Variants in PARL observed in about 807,000 individuals in gnomAD.
PARL encodes presenilin-associated rhomboid-like protein, mitochondrial.
A neutral mutation model predicts 51.6 loss-of-function variants in PARL; 44 were observed. The ratio of observed to expected loss-of-function variants is 0.85; its 90% confidence interval spans 0.67 to 1.10. PARL has a LOEUF of 1.10. Among genes scored for constraint, PARL ranks in the 50% least tolerant of loss-of-function variants. The probability of loss-of-function intolerance (pLI) is 0.00; values close to 1 mark genes in which losing one functional copy is unlikely to be tolerated. For missense variants in PARL, 441 were observed against 469.5 expected (o/e 0.94, Z 0.56); for synonymous variants, 172 against 164.0 (o/e 1.05, Z -0.37).
chr3:183,875,211 T>TC (rs1023049103), intron 1 of PARL, among the ~76,000 whole-genome samples: 1 of 152,024 alleles, frequency 6.6e-6, no homozygotes, highest in African/African-American at 2.4e-5. Flanking sequence ...GGTCAGGAGT[T>TC]CGAGACCAGC....
intron 7 of PARL, among the ~76,000 whole-genome samples, chr3:183,837,783 C>T (rs1728808064): frequency 6.6e-6 from 1 of 152,140 alleles, no homozygotes; most frequent in Non-Finnish European, 1.5e-5. Context: ...AATCACTCAT[C>T]ATATCAAGAA....
intron 7 of PARL, among the ~76,000 whole-genome samples, chr3:183,837,480 C>T (rs1009371535): frequency 2.6e-5 from 4 of 152,196 alleles, no homozygotes; most frequent in Non-Finnish European, 5.9e-5. Flanking sequence ...GCGGTGTCAG[C>T]GGAAAGAAGC....
At chr3:183,859,572 G>C (rs1489221391) in intron 4 of PARL, among the ~76,000 whole-genome samples, 4 of 152,024 alleles carry the variant, frequency 2.6e-5, no homozygotes. Context: ...CCTGACCTCA[G>C]GTGATCCACC....
intron 4 of PARL, 58 bp from the exon 5 acceptor site, chr3:183,844,384 T>C (rs974811558): frequency 9.7e-7 from 1 of 1,034,802 alleles, no homozygotes; most frequent in African/African-American, 1.6e-5. Context: ...GAAAGTCTGA[T>C]CTACATTACC....
At chr3:183,835,718 T>G (rs1037434451) in intron 7 of PARL, among the ~76,000 whole-genome samples, 3 of 151,756 alleles carry the variant, frequency 2.0e-5, no homozygotes, top group Non-Finnish European at 2.9e-5. Flanking sequence ...AACACAAAAA[T>G]TAGCCAGACG....
intron 6 of PARL, 69 bp from the exon 7 acceptor site, chr3:183,840,709 C>CTTT (rs34558001): frequency 7.3e-4 from 446 of 608,106 alleles, no homozygotes; most frequent in South Asian, 1.4e-3. Context: ...TTTTTCTTTT[C>CTTT]TTTTTTTTTT....
At chr3:183,840,329 A>G (rs1392798644) in intron 7 of PARL, among the ~76,000 whole-genome samples, 1 of 152,190 alleles carries the variant, frequency 6.6e-6, no homozygotes, top group African/African-American at 2.4e-5. Context: ...GTAAACATAT[A>G]TATATGACCA....
chr3:183,869,304 T>C (rs1055052837), intron 1 of PARL, among the ~76,000 whole-genome samples: 4 of 151,194 alleles, frequency 2.6e-5, no homozygotes, highest in Admixed American at 6.6e-5. Context: ...CCTCCCCAGA[T>C]GCAAGTGATT....
chr3:183,845,541 C>A (rs35205152), intron 4 of PARL, among the ~76,000 whole-genome samples: 32,033 of 152,114 alleles, frequency 0.21, 3,626 homozygotes, highest in East Asian at 0.45. Flanking sequence ...ACTGTGACAG[C>A]ATTATACCAC....
chr3:183,844,134 T>C (rs1729669962), intron 5 of PARL, 97 bp downstream of exon 5: 1 of 854,216 alleles, frequency 1.2e-6, no homozygotes, highest in Non-Finnish European at 2.0e-6. Flanking sequence ...TAGCTATTGA[T>C]AGGTAATTCG....
At chr3:183,842,178 A>C in intron 6 of PARL, 120 bp downstream of exon 6, 1 of 1,018,724 alleles carries the variant, frequency 9.8e-7, no homozygotes, top group Non-Finnish European at 1.5e-6. Flanking sequence ...ACTGTGAGAA[A>C]CAAATATGTT....
chr3:183,848,796 A>G (rs987611413), intron 4 of PARL, among the ~76,000 whole-genome samples: 4 of 152,196 alleles, frequency 2.6e-5, no homozygotes, highest in African/African-American at 9.6e-5. Flanking sequence ...GATGGATAAC[A>G]CTTGGGGGCA....
chr3:183,854,103 G>C (rs1317949682), intron 4 of PARL, among the ~76,000 whole-genome samples: 1 of 152,040 alleles, frequency 6.6e-6, no homozygotes, highest in African/African-American at 2.4e-5. Flanking sequence ...AAATTAGCCG[G>C]GCATGGTGGT....
At chr3:183,851,072 T>C (rs575127728) in intron 4 of PARL, among the ~76,000 whole-genome samples, 1 of 152,330 alleles carries the variant, frequency 6.6e-6, no homozygotes, top group African/African-American at 2.4e-5. Flanking sequence ...TGTCAAAAAA[T>C]GGTGCTCAGA....
chr3:183,862,935 A>G, intron 3 of PARL, 134 bp from the exon 4 acceptor site: 1 of 753,740 alleles, frequency 1.3e-6, no homozygotes, highest in Non-Finnish European at 2.4e-6. Context: ...CAGACATAAT[A>G]AATACGTGGT....
chr3:183,827,560 C>A (rs1214628909), downstream of PARL, among the ~76,000 whole-genome samples: 2 of 152,170 alleles, frequency 1.3e-5, no homozygotes, highest in African/African-American at 4.8e-5. Context: ...GCTGGAAGAA[C>A]AGGCTCAACA....
downstream of PARL, among the ~76,000 whole-genome samples, chr3:183,827,780 CGT>C (rs1458255664): frequency 3.9e-5 from 6 of 152,242 alleles, no homozygotes; most frequent in Middle Eastern, 3.4e-3. Context: ...TGGAACCATG[CGT>C]GTGTTGCAGT....
chr3:183,831,303 C>T (rs1417199559), intron 9 of PARL, among the ~76,000 whole-genome samples: 2 of 152,200 alleles, frequency 1.3e-5, no homozygotes, highest in Admixed American at 6.5e-5. Flanking sequence ...CTACTTATTT[C>T]AAGCAAAGAG....
intron 4 of PARL, among the ~76,000 whole-genome samples, chr3:183,857,431 C>T (rs1422479943): frequency 6.6e-6 from 1 of 151,934 alleles, no homozygotes; most frequent in African/African-American, 2.4e-5. Context: ...TGTAACAAAC[C>T]TACTTGTATT....
Sources: gnomAD v4.1 joint callset for allele counts (sites outside exome capture counted in the v4.1 genomes callset) on GRCh38, gnomAD v4.1.1 for gene constraint, MANE v1.5 for transcripts, NCBI Gene and HGNC (gene_info 2026-07-23, HGNC 2026-07-21) for gene names.